PRKG1: variants seen among roughly 807,000 people sequenced by gnomAD.
PRKG1 encodes the protein cGMP-dependent protein kinase 1.
Under a neutral mutation model 88.1 loss-of-function variants are expected in PRKG1, and 35 were observed. That is an observed-to-expected ratio of 0.40 (90% CI 0.30 to 0.53). The LOEUF is 0.53. Among genes scored for constraint, PRKG1 ranks in the 20% least tolerant of loss-of-function variants. The pLI is 0.59. For synonymous variants in PRKG1, 303 were observed against 292.5 expected, an observed-to-expected ratio of 1.04 and a Z score of -0.37; for missense variants, 540 against 839.8, an observed-to-expected ratio of 0.64 and a Z score of 4.41.
chr10:51,337,133 C>A (rs887906298), intron 2 of PRKG1, among the ~76,000 whole-genome samples: 5 of 152,126 alleles, frequency 3.3e-5, no homozygotes, highest in Non-Finnish European at 7.3e-5. Flanking sequence ...CAATCTTTGA[C>A]AAACCTGAGA....
intron 4 of PRKG1, among the ~76,000 whole-genome samples, chr10:51,886,865 C>T (rs1450443179): frequency 6.6e-6 from 1 of 152,212 alleles, no homozygotes; most frequent in Non-Finnish European, 1.5e-5. Flanking sequence ...CTCACCTATA[C>T]AAAAAGTTAG....
At chr10:51,031,392 C>T (rs924721032) in intron 1 of PRKG1, among the ~76,000 whole-genome samples, 1 of 151,990 alleles carries the variant, frequency 6.6e-6, no homozygotes, top group African/African-American at 2.4e-5. Flanking sequence ...TGGCGATAGA[C>T]CAAAGAATCT....
chr10:51,199,141 C>T (rs370170669), intron 2 of PRKG1, among the ~76,000 whole-genome samples: 3 of 152,124 alleles, frequency 2.0e-5, no homozygotes, highest in East Asian at 1.9e-4. Context: ...GCCATAGAAC[C>T]AATTAGCCAA....
At chr10:51,972,928 C>T (rs967672082) in intron 5 of PRKG1, among the ~76,000 whole-genome samples, 2 of 152,014 alleles carry the variant, frequency 1.3e-5, no homozygotes, top group Non-Finnish European at 2.9e-5. Flanking sequence ...TATCACTGAA[C>T]ACGAAGCCTC....
chr10:51,804,317 C>A (rs1482639117), intron 3 of PRKG1, among the ~76,000 whole-genome samples: 1 of 151,970 alleles, frequency 6.6e-6, no homozygotes, highest in Non-Finnish European at 1.5e-5. Context: ...ACAATCAACC[C>A]CCAAGGGTCA....
At chr10:51,025,626 A>G (rs982696581) in intron 1 of PRKG1, among the ~76,000 whole-genome samples, 20 of 152,088 alleles carry the variant, frequency 1.3e-4, no homozygotes, top group Non-Finnish European at 2.2e-4. Context: ...ATTGGCTGCA[A>G]GTTTGGTCCC....
intron 9 of PRKG1, among the ~76,000 whole-genome samples, chr10:52,210,252 A>C (rs924500072): frequency 6.6e-6 from 1 of 151,848 alleles, no homozygotes; most frequent in African/African-American, 2.4e-5. Flanking sequence ...GGTCTTGCAG[A>C]AGCTATCTGC....
chr10:51,678,489 A>G (rs1840766044), intron 3 of PRKG1, among the ~76,000 whole-genome samples: 1 of 152,166 alleles, frequency 6.6e-6, no homozygotes, highest in African/African-American at 2.4e-5. Flanking sequence ...GAGCCCAGGA[A>G]TCCTTGTTTT....
At chr10:52,152,698 C>A (rs1837968154) in intron 8 of PRKG1, among the ~76,000 whole-genome samples, 1 of 152,102 alleles carries the variant, frequency 6.6e-6, no homozygotes, top group Admixed American at 6.6e-5. Context: ...TAAAAGATTA[C>A]TCTGCTTACT....
intron 3 of PRKG1, among the ~76,000 whole-genome samples, chr10:51,531,021 TG>T (rs1259541736): frequency 2.0e-5 from 3 of 152,110 alleles, no homozygotes; most frequent in Non-Finnish European, 4.4e-5. Flanking sequence ...TCTGATGGAA[TG>T]GGGGTAAGAA....
intron 5 of PRKG1, among the ~76,000 whole-genome samples, chr10:51,931,204 T>C (rs979201191): frequency 3.9e-5 from 6 of 152,222 alleles, no homozygotes; most frequent in African/African-American, 1.4e-4. Context: ...TTGTCCTGGA[T>C]TGAACCTATT....
intron 5 of PRKG1, among the ~76,000 whole-genome samples, chr10:51,913,056 G>A (rs555261285): frequency 3.3e-5 from 5 of 152,226 alleles, no homozygotes; most frequent in Admixed American, 6.5e-5. Context: ...AGTCTCCCGA[G>A]TAGCTGGGAT....
intron 4 of PRKG1, among the ~76,000 whole-genome samples, chr10:51,872,212 T>A (rs1421111270): frequency 6.6e-6 from 1 of 152,200 alleles, no homozygotes; most frequent in Non-Finnish European, 1.5e-5. Context: ...CAGATTCACA[T>A]CCCAGTTCTG....
At chr10:51,419,023 G>A (rs182598628) in intron 2 of PRKG1, among the ~76,000 whole-genome samples, 47 of 152,218 alleles carry the variant, frequency 3.1e-4, no homozygotes, top group Non-Finnish European at 6.3e-4. Context: ...TGATAAGGAA[G>A]AAACATTTGT....
intron 2 of PRKG1, among the ~76,000 whole-genome samples, chr10:51,398,642 T>C (rs293232): frequency 0.83 from 126,326 of 152,164 alleles, 52,919 homozygotes; most frequent in African/African-American, 0.87. Flanking sequence ...CTTGACTAGG[T>C]CACAGTGTGT....
At chr10:52,037,380 G>T (rs1175687614) in intron 5 of PRKG1, among the ~76,000 whole-genome samples, 2 of 152,326 alleles carry the variant, frequency 1.3e-5, no homozygotes, top group Non-Finnish European at 2.9e-5. Flanking sequence ...TTGAAGGCGA[G>T]GTTAATTAAA....
chr10:51,165,309 G>T (rs1230730216), intron 2 of PRKG1, among the ~76,000 whole-genome samples: 2 of 151,638 alleles, frequency 1.3e-5, no homozygotes, highest in Non-Finnish European at 3.0e-5. Context: ...AGCTTCATAA[G>T]TGAAGGAGAA....
chr10:52,019,064 G>A (rs1845116051), intron 5 of PRKG1, among the ~76,000 whole-genome samples: 1 of 152,138 alleles, frequency 6.6e-6, no homozygotes, highest in Non-Finnish European at 1.5e-5. Context: ...TGCTTCTCAT[G>A]GTGAAAAAGT....
chr10:51,781,303 C>A (rs1249975150), intron 3 of PRKG1, among the ~76,000 whole-genome samples: 1 of 151,938 alleles, frequency 6.6e-6, no homozygotes, highest in East Asian at 1.9e-4. Flanking sequence ...ACTCATGATC[C>A]CAAATATGAA....
Sources: allele counts gnomAD v4.1 joint callset (sites outside exome capture counted in the v4.1 genomes callset), GRCh38; gene constraint gnomAD v4.1.1; transcripts MANE v1.5; gene names NCBI Gene and HGNC (gene_info 2026-07-23, HGNC 2026-07-21).